RAPGEF4: variants seen among roughly 807,000 people sequenced by gnomAD.
RAPGEF4 encodes the protein Rap guanine nucleotide exchange factor 4, also known as RAP guanine-nucleotide-exchange factor (GEF) 4.
RAPGEF4 carries 66 observed loss-of-function variants against 147.9 expected under a neutral mutation model. The ratio of observed to expected loss-of-function variants is 0.45; its 90% CI spans 0.37 to 0.55. The LOEUF is 0.55. RAPGEF4 is among the 20% of genes least tolerant of loss of function. The pLI is 0.00. For synonymous variants in RAPGEF4, 419 were observed against 442.7 expected, an observed-to-expected ratio of 0.95 and a Z score of 0.67; for missense variants, 1,071 against 1,257.3, an observed-to-expected ratio of 0.85 and a Z score of 2.24.
chr2:172,853,188 T>C (rs1238737971), intron 4 of RAPGEF4, among the ~76,000 whole-genome samples: 10 of 152,090 alleles, frequency 6.6e-5, no homozygotes, highest in Admixed American at 6.5e-4. Flanking sequence ...CTCCTTCATT[T>C]TCTGAAGAAG....
intron 4 of RAPGEF4, among the ~76,000 whole-genome samples, chr2:172,917,061 C>T (rs1221137857): frequency 3.3e-5 from 5 of 152,166 alleles, no homozygotes; most frequent in Non-Finnish European, 7.3e-5. Context: ...AAATGTCACT[C>T]CTCTCTAGTT....
chr2:172,985,291 G>C, intron 11 of RAPGEF4, 142 bp from the exon 12 acceptor site: 1 of 1,131,160 alleles, frequency 8.8e-7, no homozygotes. Context: ...GATTTTAGAT[G>C]AGAGCAGCAG....
intron 4 of RAPGEF4, among the ~76,000 whole-genome samples, chr2:172,869,400 T>G (rs1173530233): frequency 6.6e-6 from 1 of 152,236 alleles, no homozygotes; most frequent in East Asian, 1.9e-4. Context: ...AAAATCTCTT[T>G]GCTAAAAGTC....
rs758882495 is a variant in RAPGEF4 at position 173,051,812 on chromosome 2, C to T, written c.*45C>T. 5.6e-6 allele frequency: 9 copies of T among 1,602,848 alleles called. No individual in the cohort carries two copies. The highest frequency in any genetic ancestry group is 6.8e-6 in the Non-Finnish European group (8 of 1,172,558). On this transcript the variant is annotated 3_prime_UTR_variant, in exon 31 of 31. Coordinates refer to ENST00000397081, the MANE Select transcript of RAPGEF4 (RefSeq NM_007023.4). ...CAACAGTTTGTCTCCAGTCCACAAT[C>T]TTTCAAAAATGCCATTTATGCTACT...
intron 4 of RAPGEF4, among the ~76,000 whole-genome samples, chr2:172,872,368 G>T (rs1695338257): frequency 6.6e-6 from 1 of 152,080 alleles, no homozygotes; most frequent in African/African-American, 2.4e-5. Context: ...CAACTTTTAG[G>T]ATAAGGCATC....
At position 172,917,885 on chromosome 2, in the gene RAPGEF4, A is replaced by G; in HGVS notation, c.517+11A>G. The G allele has an allele frequency of 6.2e-7, 1 of 1,609,198 alleles. No individual in the cohort carries two copies. On this transcript the variant is annotated intron_variant, in intron 5 of 30. Transcript: ENST00000397081. ...GCTCTAACAATGACAGTAAGTGGAA[A>G]ATGTGAACATTTTGTATCTAAAAAT...
intron 10 of RAPGEF4, among the ~76,000 whole-genome samples, chr2:172,975,638 C>T (rs1690983286): frequency 6.6e-6 from 1 of 152,190 alleles, no homozygotes; most frequent in African/African-American, 2.4e-5. Flanking sequence ...GAAATAACCA[C>T]AAAATATGGA....
rs1477939992 is a variant in RAPGEF4 at position 172,942,570 on chromosome 2, A to T, written c.538-18190A>T. On this transcript the variant is annotated intron_variant, in intron 6 of 30. Transcript: ENST00000397081. The stretch of plus-strand genomic sequence containing the variant: ...CCTGCTTAGATCTTAGAGTCTGGTA[A>T]AAAAAAAAAAAAAAAAAAAAATTCA... 7.9e-3 allele frequency among the ~76,000 whole-genome samples: 938 copies of T among 119,166 alleles called. 12 individuals carry two copies. Among genetic ancestry groups the T allele is most frequent in the East Asian group, 0.044 (184 of 4,216 alleles). The allele number at this position is 119,166 out of a possible 152,430, so 78.2% of individuals were successfully genotyped here. A position where few individuals can be genotyped will look rare whatever the true frequency, so the allele number is the denominator to read the frequency against.
At chr2:172,781,472 A>G (rs1397221912) in intron 1 of RAPGEF4, among the ~76,000 whole-genome samples, 1 of 152,056 alleles carries the variant, frequency 6.6e-6, no homozygotes, top group African/African-American at 2.4e-5. Context: ...GTCTTGCTTT[A>G]TTGGCCAGGC....
At chr2:172,881,950 G>A (rs903991125) in intron 4 of RAPGEF4, among the ~76,000 whole-genome samples, 1 of 152,156 alleles carries the variant, frequency 6.6e-6, no homozygotes, top group African/African-American at 2.4e-5. Context: ...ACCCTATGGG[G>A]TTTAGTGAGC....
Position 173,005,149 on chromosome 2 carries a change from G to C in RAPGEF4, c.1658+3805G>C, listed in dbSNP as rs143000370. ...TTTTTTTGCTATAACAAACACAATG[G>C]AGTGAATCAGCATCCTTCCAGCTAA... is the stretch of plus-strand genomic sequence containing the variant. On this transcript the variant is annotated intron_variant, in intron 17 of 30. Coordinates refer to ENST00000397081, the MANE Select transcript of RAPGEF4 (RefSeq NM_007023.4). Among the ~76,000 whole-genome samples, 988 of 151,850 alleles carry C rather than the reference G, an allele frequency of 6.5e-3. 8 individuals carry two copies. The highest frequency in any genetic ancestry group is 0.024 in the Middle Eastern group (7 of 292).
At chr2:172,954,578 T>C (rs1023638939) in intron 6 of RAPGEF4, among the ~76,000 whole-genome samples, 5 of 152,130 alleles carry the variant, frequency 3.3e-5, no homozygotes, top group African/African-American at 1.2e-4. Flanking sequence ...TAATTCAGAG[T>C]AGTGAAATCT....
rs538089696 is a variant in RAPGEF4 at position 172,797,510 on chromosome 2, AT to A, written c.209-6del. On this transcript the variant is annotated splice_polypyrimidine_tract_variant and intron_variant, in intron 2 of 30. Coordinates refer to ENST00000397081, the MANE Select transcript of RAPGEF4 (RefSeq NM_007023.4). ...TTGTATCTGTTATATTTATATCACA[AT>A]TTTTTTTTCCCAGTATTTCGCCAGG... 1.5e-4 allele frequency: 230 copies of A among 1,584,470 alleles called. No homozygotes were observed. The highest frequency in any genetic ancestry group is 1.1e-3 in the African/African-American group (81 of 74,256).
At chr2:173,033,825 T>TA in intron 26 of RAPGEF4, 89 bp from the exon 27 acceptor site, 1 of 1,201,026 alleles carries the variant, frequency 8.3e-7, no homozygotes, top group Non-Finnish European at 1.2e-6. Flanking sequence ...AGCCAATGGA[T>TA]ATATATTTCC....
intron 9 of RAPGEF4, 98 bp downstream of exon 9, chr2:172,965,781 TA>T: frequency 6.7e-7 from 1 of 1,497,282 alleles, no homozygotes; most frequent in South Asian, 1.2e-5. Context: ...AAGAAAGAAT[TA>T]CGATCCCTTT....
intron 4 of RAPGEF4, among the ~76,000 whole-genome samples, chr2:172,874,905 CCT>C (rs1185462264): frequency 6.6e-6 from 1 of 152,136 alleles, no homozygotes; most frequent in African/African-American, 2.4e-5. Context: ...CTCTCCAGCA[CCT>C]GTTGTTTCCT....
chr2:172,827,760 A>G (rs1168135917), intron 4 of RAPGEF4, among the ~76,000 whole-genome samples: 1 of 152,222 alleles, frequency 6.6e-6, no homozygotes, highest in African/African-American at 2.4e-5. Context: ...ATATAATGTA[A>G]TCAACCCCCT....
chr2:173,007,536 G>A (rs1438142292), intron 17 of RAPGEF4, among the ~76,000 whole-genome samples: 2 of 152,118 alleles, frequency 1.3e-5, no homozygotes, highest in Admixed American at 1.3e-4. Context: ...AATAACATTG[G>A]TGGCTAAGAT....
At chr2:172,818,123 C>A (rs544775309) in intron 4 of RAPGEF4, among the ~76,000 whole-genome samples, 2 of 151,024 alleles carry the variant, frequency 1.3e-5, no homozygotes, top group African/African-American at 2.4e-5. Context: ...CTCATACGTG[C>A]GAGCTAAGCT....
Sources: allele counts gnomAD v4.1 joint callset (sites outside exome capture counted in the v4.1 genomes callset), GRCh38; gene constraint gnomAD v4.1.1; transcripts MANE v1.5; gene names NCBI Gene and HGNC (gene_info 2026-07-23, HGNC 2026-07-21).